The following SUN1 variants were observed in gnomAD, a reference collection of about 807,000 sequenced individuals.
SUN1 encodes the protein SUN domain-containing protein 1.
A neutral mutation model predicts 103.2 loss-of-function variants in SUN1; 61 were observed. The observed-to-expected ratio is 0.59, with a 90% confidence interval of 0.48 to 0.73. The LOEUF is 0.73. SUN1 is among the 30% of genes least tolerant of loss of function. The pLI is 0.00. For missense variants in SUN1, 1,052 were observed against 1,034.6 expected, an observed-to-expected ratio of 1.02 and a Z score of -0.23; for synonymous variants, 490 against 425.7, an observed-to-expected ratio of 1.15 and a Z score of -1.86.
At chr7:864,087 TTATC>T (rs1357041656) in intron 15 of SUN1, among the ~76,000 whole-genome samples, 10 of 152,350 alleles carry the variant, frequency 6.6e-5, no homozygotes, top group African/African-American at 1.9e-4. Flanking sequence ...GCTTAACTAA[TTATC>T]TATTTTTTAA....
intron 1 of SUN1, among the ~76,000 whole-genome samples, chr7:834,664 C>G (rs1452141705): frequency 3.3e-5 from 5 of 152,222 alleles, no homozygotes; most frequent in Non-Finnish European, 7.3e-5. Flanking sequence ...GTGGAGCGGC[C>G]GTTCCTGATG....
chr7:824,994 T>C (rs1324410790), intron 1 of SUN1, among the ~76,000 whole-genome samples: 2 of 152,186 alleles, frequency 1.3e-5, no homozygotes, highest in Non-Finnish European at 1.5e-5. Flanking sequence ...CAGAGGACTG[T>C]CTGCCTGTCC....
chr7:824,040 T>C (rs1160475393), intron 1 of SUN1, among the ~76,000 whole-genome samples: 1 of 152,188 alleles, frequency 6.6e-6, no homozygotes, highest in Non-Finnish European at 1.5e-5. Flanking sequence ...AAAGTCTTTC[T>C]AAGAAGTGGG....
intron 17 of SUN1, among the ~76,000 whole-genome samples, chr7:870,829 C>T (rs1379684046): frequency 6.6e-6 from 1 of 151,894 alleles, no homozygotes; most frequent in Non-Finnish European, 1.5e-5. Context: ...AGGGCAGCAG[C>T]ATGTTGTACG....
At chr7:868,417 C>T in intron 16 of SUN1, 1 of 281,374 alleles carries the variant, frequency 3.6e-6, no homozygotes. Context: ...GGGCTGCAGG[C>T]TGCACCGTGG....
intron 2 of SUN1, 108 bp downstream of exon 2, chr7:839,094 T>C (rs1040764622): frequency 3.5e-6 from 4 of 1,130,684 alleles, no homozygotes; most frequent in Middle Eastern, 3.0e-4. Context: ...CTTAAGGATA[T>C]GTGTGTGTAT....
At chr7:860,637 T>C (rs1765219187) in intron 14 of SUN1, among the ~76,000 whole-genome samples, 1 of 152,232 alleles carries the variant, frequency 6.6e-6, no homozygotes, top group African/African-American at 2.4e-5. Context: ...ACTTTGTGAA[T>C]CTTTTTGTCC....
At chr7:815,834 C>A, upstream of SUN1, 1 of 206,416 alleles carries the variant, frequency 4.8e-6, no homozygotes, top group South Asian at 5.0e-5. Context: ...GCCCGGCCTG[C>A]GAGCGCCTGC....
chr7:859,538 G>A (rs949645768), intron 13 of SUN1, among the ~76,000 whole-genome samples: 1 of 152,212 alleles, frequency 6.6e-6, no homozygotes, highest in Admixed American at 6.5e-5. Context: ...CATTGTTAGG[G>A]GGTGTGGGCT....
At chr7:831,364 C>T (rs1025636155), upstream of SUN1, among the ~76,000 whole-genome samples, 27 of 151,938 alleles carry the variant, frequency 1.8e-4, no homozygotes, top group South Asian at 1.7e-3. Flanking sequence ...CTCCGCCTCC[C>T]GGGTTCATGC....
At chr7:855,975 A>C (rs1370979526) in intron 11 of SUN1, among the ~76,000 whole-genome samples, 1 of 152,192 alleles carries the variant, frequency 6.6e-6, no homozygotes, top group East Asian at 1.9e-4. Context: ...GCTGGTGCTC[A>C]GCGTGGTGCT....
intron 10 of SUN1, among the ~76,000 whole-genome samples, chr7:854,175 G>A (rs977117330): frequency 1.3e-5 from 2 of 152,228 alleles, no homozygotes; most frequent in Admixed American, 6.5e-5. Context: ...GAATTGAATT[G>A]TGTGTGGCCT....
chr7:822,553 A>G (rs1787251962), intron 1 of SUN1, among the ~76,000 whole-genome samples: 1 of 152,126 alleles, frequency 6.6e-6, no homozygotes, highest in Non-Finnish European at 1.5e-5. Context: ...CATTCTATTT[A>G]TTTTGATTTT....
chr7:840,461 CG>C (rs1808337952), intron 2 of SUN1, among the ~76,000 whole-genome samples: 1 of 152,306 alleles, frequency 6.6e-6, no homozygotes, highest in African/African-American at 2.4e-5. Flanking sequence ...CTCCCTCTGC[CG>C]GGTGTCACTG....
At position 817,158 on chromosome 7, in the gene SUN1, C is replaced by T. The variant is rs1781392981; in HGVS notation, c.-74+485C>T. 6.4e-6 allele frequency: 3 copies of T among 470,208 alleles called. No individual in the cohort carries two copies. In the Admixed American group the frequency reaches 1.1e-4, roughly 18 times the overall value. 29.1% of individuals were successfully genotyped at this position (470,208 alleles called of 1,614,324 possible). The stretch of plus-strand genomic sequence containing the variant: ...GTTTTATTTAAGAGGGGGGGTCTCG[C>T]TGTGTTTCCCAGGCTGGTCTCGACC... On this transcript the variant is annotated intron_variant, in intron 1 of 17. Transcript: ENST00000389574.
At chr7:832,876 A>G (rs770662216) in intron 1 of SUN1, 5 of 433,622 alleles carry the variant, frequency 1.2e-5, no homozygotes, top group Non-Finnish European at 2.1e-5. Flanking sequence ...TGTTGAGAAG[A>G]TGTCTCTGTG....
At chr7:835,631 C>T (rs751074833) in intron 1 of SUN1, among the ~76,000 whole-genome samples, 2 of 152,168 alleles carry the variant, frequency 1.3e-5, no homozygotes, top group South Asian at 2.1e-4. Context: ...TCTTCATTGG[C>T]GTGACTCTGT....
At chr7:859,183 A>G (rs963868281) in intron 13 of SUN1, among the ~76,000 whole-genome samples, 8 of 151,702 alleles carry the variant, frequency 5.3e-5, no homozygotes, top group African/African-American at 1.9e-4. Context: ...AAGAAAAAGC[A>G]TGTCACCGTG....
intron 1 of SUN1, chr7:817,354 G>C: frequency 6.8e-7 from 1 of 1,474,608 alleles, no homozygotes; most frequent in East Asian, 2.5e-5. Context: ...CTGCCTGGAG[G>C]CGCGCGCGTG....
Sources: gnomAD v4.1 joint callset for allele counts (sites outside exome capture counted in the v4.1 genomes callset) on GRCh38, gnomAD v4.1.1 for gene constraint, MANE v1.5 for transcripts, NCBI Gene and HGNC (gene_info 2026-07-23, HGNC 2026-07-21) for gene names.